HEATR3: variants seen among roughly 807,000 people sequenced by gnomAD.
HEATR3 encodes the protein HEAT repeat-containing protein 3.
HEATR3 carries 56 observed loss-of-function variants against 72.8 expected under a neutral mutation model. The observed-to-expected ratio is 0.77, with a 90% CI of 0.62 to 0.96. HEATR3 has a LOEUF of 0.96. HEATR3 is among the 40% of genes least tolerant of loss of function. The probability of loss-of-function intolerance (pLI) is 0.00; values close to 1 mark genes in which losing one functional copy is unlikely to be tolerated. For synonymous variants in HEATR3, 331 were observed against 318.1 expected, an observed-to-expected ratio of 1.04 and a Z score of -0.43; for missense variants, 747 against 831.4, an observed-to-expected ratio of 0.90 and a Z score of 1.25.
At chr16:50,067,196 T>C (rs1262795899) in intron 2 of HEATR3, among the ~76,000 whole-genome samples, 2 of 151,414 alleles carry the variant, frequency 1.3e-5, no homozygotes, top group African/African-American at 2.4e-5. Context: ...TGTAGAAAAA[T>C]TATAAACAAT....
At chr16:50,097,974 G>C (rs1031982821) in intron 12 of HEATR3, among the ~76,000 whole-genome samples, 1 of 151,320 alleles carries the variant, frequency 6.6e-6, no homozygotes, top group Non-Finnish European at 1.5e-5. Context: ...AAGAAGCTCT[G>C]ATTTCTTTAG....
chr16:50,100,537 CTA>C (rs1261858137), intron 13 of HEATR3, 164 bp downstream of exon 13: 6 of 619,360 alleles, frequency 9.7e-6, no homozygotes, highest in South Asian at 6.4e-5. Flanking sequence ...CTTGATCTAA[CTA>C]TGTGTATTAA....
At chr16:50,101,693 A>G (rs189160311) in intron 13 of HEATR3, among the ~76,000 whole-genome samples, 1 of 152,054 alleles carries the variant, frequency 6.6e-6, no homozygotes, top group Admixed American at 6.6e-5. Flanking sequence ...TTATCCTTGT[A>G]TTTCCTACAA....
rs2150635108 is a variant in HEATR3, at chr16:50,106,055, A to AT, written c.*998dup. 1 of 152,294 alleles carries AT rather than the reference A, an allele frequency of 6.6e-6. No individual in the cohort carries two copies. The highest frequency in any genetic ancestry group is 1.5e-5 in the Non-Finnish European group (1 of 68,020). The allele number at this position is 152,294 out of a possible 1,614,324, so 9.4% of individuals were successfully genotyped here. On this transcript the variant is annotated 3_prime_UTR_variant, in exon 15 of 15. Transcript: ENST00000299192. Reference sequence around the variant, plus strand: ...CTTCAACCAATCATGTTTTCCTTGAATTTTGCAAAGAAAGAAAATCCAAAG... The same window carrying AT: ...CTTCAACCAATCATGTTTTCCTTGAATTTTTGCAAAGAAAGAAAATCCAAAG...
intron 12 of HEATR3, among the ~76,000 whole-genome samples, chr16:50,096,490 G>C (rs2150623868): frequency 6.6e-6 from 1 of 152,048 alleles, no homozygotes; most frequent in South Asian, 2.1e-4. Flanking sequence ...ATACCATGCA[G>C]TTTATCCATT....
chr16:50,097,735 C>G (rs1403773304), intron 12 of HEATR3, among the ~76,000 whole-genome samples: 3 of 151,784 alleles, frequency 2.0e-5, no homozygotes, highest in Non-Finnish European at 4.4e-5. Context: ...ACCCACATGG[C>G]GAAACTCCGT....
chr16:50,090,437 A>G (rs1233412218), intron 11 of HEATR3, among the ~76,000 whole-genome samples: 1 of 152,188 alleles, frequency 6.6e-6, no homozygotes, highest in Admixed American at 6.6e-5. Flanking sequence ...AGTTAAAGGT[A>G]TGATTGTTCT....
chr16:50,091,451 A>G (rs1246618916), intron 11 of HEATR3, among the ~76,000 whole-genome samples: 2 of 152,052 alleles, frequency 1.3e-5, no homozygotes, highest in African/African-American at 4.8e-5. Context: ...TGAGCGACAG[A>G]GTGATACTCC....
At chr16:50,104,828 A>G in intron 14 of HEATR3, 111 bp from the exon 15 acceptor site, 1 of 963,352 alleles carries the variant, frequency 1.0e-6, no homozygotes, top group East Asian at 2.9e-5. Flanking sequence ...CCAAATTCTT[A>G]CAGCTATCTG....
Position 50,106,093 on chromosome 16 carries a change from G to C in HEATR3, c.*1032G>C, listed in dbSNP as rs1432327140. The C allele has an allele frequency of 6.6e-6, 1 of 152,152 alleles. No individual in the cohort carries two copies. The highest frequency in any genetic ancestry group is 1.9e-4 in the East Asian group (1 of 5,196). 9.4% of individuals were successfully genotyped at this position (152,152 alleles called of 1,614,324 possible). A position where few individuals can be genotyped will look rare whatever the true frequency, so the allele number is the denominator to read the frequency against. Reference sequence around the variant, plus strand: ...AGAAAATCCAAAGCATTGCTTGGATGTTCTTTTAAGGCATTTTATATCAGT... The same window carrying C: ...AGAAAATCCAAAGCATTGCTTGGATCTTCTTTTAAGGCATTTTATATCAGT... On this transcript the variant is annotated 3_prime_UTR_variant, in exon 15 of 15. Transcript: ENST00000299192.
intron 7 of HEATR3, 91 bp downstream of exon 7, chr16:50,079,109 C>A: frequency 7.8e-7 from 1 of 1,281,464 alleles, no homozygotes; most frequent in Non-Finnish European, 1.1e-6. Flanking sequence ...AATGTTATAG[C>A]AAAATTAGCT....
intron 14 of HEATR3, among the ~76,000 whole-genome samples, chr16:50,103,695 A>G (rs1252807271): frequency 2.0e-5 from 3 of 152,190 alleles, no homozygotes; most frequent in Admixed American, 2.0e-4. Flanking sequence ...GCTCTAGACT[A>G]GAGGTGAGAT....
At chr16:50,079,055 CAG>C in intron 7 of HEATR3, 37 bp downstream of exon 7, 2 of 1,419,148 alleles carry the variant, frequency 1.4e-6, no homozygotes, top group South Asian at 1.3e-5. Flanking sequence ...TGGATTAATA[CAG>C]CTGTTTTTTT....
At chr16:50,099,378 G>C (rs1359473376) in intron 12 of HEATR3, among the ~76,000 whole-genome samples, 1 of 152,188 alleles carries the variant, frequency 6.6e-6, no homozygotes, top group Non-Finnish European at 1.5e-5. Flanking sequence ...CCTGAGGCGG[G>C]AGGATTGCTT....
At chr16:50,079,404 C>T (rs956793523) in intron 7 of HEATR3, among the ~76,000 whole-genome samples, 2 of 152,168 alleles carry the variant, frequency 1.3e-5, no homozygotes, top group Admixed American at 1.3e-4. Flanking sequence ...TGCATTCTTG[C>T]CTCTTATTTT....
chr16:50,088,428 A>G (rs529962335), intron 11 of HEATR3, among the ~76,000 whole-genome samples: 3 of 152,288 alleles, frequency 2.0e-5, no homozygotes, highest in African/African-American at 7.2e-5. Flanking sequence ...GGCTGGAATG[A>G]TCCCATGAAA....
At chr16:50,101,944 A>T (rs1219007134) in intron 13 of HEATR3, among the ~76,000 whole-genome samples, 1 of 152,120 alleles carries the variant, frequency 6.6e-6, no homozygotes, top group Non-Finnish European at 1.5e-5. Context: ...GTTACAGATA[A>T]TATTTCTATG....
rs763702882 is a variant in HEATR3, at chr16:50,070,193, G to T, written c.415G>T (p.Asp139Tyr). ...ALLKECSAGL[D>Y]SNEMSLQEKK... ...TTGGTTACAGTGTAGTGCTGGACTG[G>T]ATTCAAATGAGATGTCTCTGCAGGA... Residue 139 changes from aspartate (D) to tyrosine (Y), a missense_variant, in exon 4 of 15, where the codon GAT (aspartate) becomes TAT (tyrosine). This residue lies in a region of HEATR3 where 586 missense variants were observed against 708.8 expected (regional missense o/e 0.83). Transcript: ENST00000299192. 1 of 1,593,954 alleles carries T rather than the reference G, an allele frequency of 6.3e-7. No homozygotes were observed. Among genetic ancestry groups the T allele is most frequent in the Admixed American group, 1.7e-5 (1 of 59,076 alleles).
At chr16:50,078,511 A>T (rs935573742) in intron 6 of HEATR3, among the ~76,000 whole-genome samples, 1 of 152,168 alleles carries the variant, frequency 6.6e-6, no homozygotes, top group African/African-American at 2.4e-5. Context: ...AATGCAGTGT[A>T]TCAGAGAAAG....
Sources: allele counts gnomAD v4.1 joint callset (sites outside exome capture counted in the v4.1 genomes callset), GRCh38; gene constraint gnomAD v4.1.1; regional missense constraint gnomAD v4.1.1; transcripts MANE v1.5; gene names NCBI Gene and HGNC (gene_info 2026-07-23, HGNC 2026-07-21).